Variants in MANEAL observed in about 807,000 individuals in gnomAD.
MANEAL encodes the protein glycoprotein endo-alpha-1,2-mannosidase-like protein.
A neutral mutation model predicts 35.9 loss-of-function variants in MANEAL; 28 were observed. That is an observed-to-expected ratio of 0.78 (90% CI 0.58 to 1.07). The LOEUF (loss-of-function observed/expected upper bound fraction) is 1.07. Ranked by LOEUF, MANEAL falls within the 50% of genes least tolerant of loss-of-function variation. MANEAL has a pLI of 0.00. For missense variants in MANEAL, 576 were observed against 629.6 expected, an observed-to-expected ratio of 0.91 and a Z score of 0.91; for synonymous variants, 286 against 272.2, an observed-to-expected ratio of 1.05 and a Z score of -0.50.
chr1:37,795,523 T>C, intron 1 of MANEAL: 3 of 1,385,788 alleles, frequency 2.2e-6, no homozygotes, highest in Non-Finnish European at 2.8e-6. Context: ...CCTGGCGCGC[T>C]ACGGTTCCCG....
At chr1:37,795,996 C>G in intron 2 of MANEAL, 150 bp downstream of exon 2, 1 of 641,268 alleles carries the variant, frequency 1.6e-6, no homozygotes, top group South Asian at 2.0e-5. Flanking sequence ...GGGGAGGGTT[C>G]AGATAAATGG....
intron 2 of MANEAL, 70 bp from the exon 3 acceptor site, chr1:37,796,674 A>G: frequency 7.1e-7 from 1 of 1,404,508 alleles, no homozygotes; most frequent in East Asian, 2.5e-5. Context: ...CCATGGTTAG[A>G]TCCTGAGCCT....
In MANEAL at chr1:37,794,812, T is replaced by G. The variant is rs1646631278; in HGVS notation, c.550+80T>G. The stretch of plus-strand genomic sequence containing the variant: ...CCCACACCCCAGCTCCCTCTGGTCC[T>G]GTCACCGGCCCTTTGGTCCCACTTA... On this transcript the variant is annotated intron_variant, in intron 1 of 3. Transcript: ENST00000373045. The surrounding 1 kb of genome is among the most constrained non-coding windows in gnomAD (Gnocchi z 5.7). 6 of 937,144 alleles carry G rather than the reference T, an allele frequency of 6.4e-6. No homozygotes were observed. The highest frequency in any genetic ancestry group is 9.6e-6 in the Non-Finnish European group (6 of 622,660). The allele number at this position is 937,144 out of a possible 1,614,324, so 58.1% of individuals were successfully genotyped here.
In MANEAL at chr1:37,794,497, G is replaced by A. The variant is rs770316052; in HGVS notation, c.315G>A (p.Leu105=). ...AGAGCCTGCGCGTCTACTCGGACCTGCACGCCTTCTACTACTCGTGGTACG... is the reference window on the plus strand; with the variant it reads ...AGAGCCTGCGCGTCTACTCGGACCTACACGCCTTCTACTACTCGTGGTACG... ...PVQSLRVYSD[L]HAFYYSWYGS... Residue 105 remains leucine (L), a synonymous_variant, in exon 1 of 4, where the codon CTG becomes CTA. Coordinates refer to ENST00000373045, the MANE Select transcript of MANEAL (RefSeq NM_001113482.2). The surrounding 1 kb of genome is among the most constrained non-coding windows in gnomAD (Gnocchi z 5.7). 6.2e-6 allele frequency: 10 copies of A among 1,606,998 alleles called. No individual in the cohort carries two copies. The South Asian group carries it at 1.1e-4, about 18-fold the overall frequency.
intron 2 of MANEAL, 57 bp downstream of exon 2, chr1:37,795,903 C>A: frequency 6.7e-7 from 1 of 1,492,806 alleles, no homozygotes; most frequent in Non-Finnish European, 9.3e-7. Context: ...AGTTGCTCTC[C>A]TCCGCCCACA....
At position 37,794,218 on chromosome 1, in the gene MANEAL, G is replaced by C. The variant is rs1481505414; in HGVS notation, c.36G>C (p.Leu12=). The C allele has an allele frequency of 7.6e-7, 1 of 1,323,126 alleles. No individual in the cohort carries two copies. The highest frequency in any genetic ancestry group is 2.8e-5 in the Admixed American group (1 of 35,194). 82.0% of individuals were successfully genotyped at this position (1,323,126 alleles called of 1,614,324 possible). Residue 12 remains leucine (L), a synonymous_variant, in exon 1 of 4, where the codon CTG becomes CTC. Transcript: ENST00000373045. This position sits in a 1 kb window ranked among gnomAD's most constrained non-coding sequence, Gnocchi z 5.7. ...ARRRRRACIA[L]FLVLLFAFGT... ...GGCGGCGCCGCGCCTGCATCGCTCTGTTCCTGGTGCTGCTCTTCGCCTTCG... is the reference window on the plus strand; with the variant it reads ...GGCGGCGCCGCGCCTGCATCGCTCTCTTCCTGGTGCTGCTCTTCGCCTTCG...
At position 37,799,301 on chromosome 1, in the gene MANEAL, C is replaced by A. The variant is rs1318979442; in HGVS notation, c.738-266C>A. On this transcript the variant is annotated intron_variant, in intron 3 of 3. Coordinates refer to ENST00000373045, the MANE Select transcript of MANEAL (RefSeq NM_001113482.2). This position sits in a 1 kb window ranked among gnomAD's most constrained non-coding sequence, Gnocchi z 4.1. ...GGATTATATGGAGGCAGGATGGGAGCCTGGAGACCAGTTAGCTGGCTGTTG... is the reference window on the plus strand; with the variant it reads ...GGATTATATGGAGGCAGGATGGGAGACTGGAGACCAGTTAGCTGGCTGTTG... 1.3e-5 allele frequency among the ~76,000 whole-genome samples: 2 copies of A among 152,088 alleles called. No homozygotes were observed. Among genetic ancestry groups the A allele is most frequent in the East Asian group, 1.9e-4 (1 of 5,196 alleles).
chr1:37,795,582 G>A, intron 1 of MANEAL, 155 bp from the exon 2 acceptor site: 2 of 1,451,494 alleles, frequency 1.4e-6, no homozygotes, highest in Non-Finnish European at 1.8e-6. Context: ...CGGGGCGCGA[G>A]GCTCTGGGAC....
In MANEAL at chr1:37,794,512, C is replaced by A; in HGVS notation, c.330C>A (p.Tyr110Ter). Residue 110 changes from tyrosine to a stop codon, truncating the protein, a stop_gained, in exon 1 of 4, where the codon TAC (tyrosine) becomes TAA (stop). Coordinates refer to ENST00000373045, the MANE Select transcript of MANEAL (RefSeq NM_001113482.2). LOFTEE classifies it high-confidence loss of function. The surrounding 1 kb of genome is among the most constrained non-coding windows in gnomAD (Gnocchi z 5.7). ...RVYSDLHAFY[Y>*]SWYGSPRREG... Reference sequence around the variant, plus strand: ...ACTCGGACCTGCACGCCTTCTACTACTCGTGGTACGGGAGCCCGCGGCGCG... The same window carrying A: ...ACTCGGACCTGCACGCCTTCTACTAATCGTGGTACGGGAGCCCGCGGCGCG... 1 of 1,610,368 alleles carries A rather than the reference C, an allele frequency of 6.2e-7. No homozygotes were observed. Among genetic ancestry groups the A allele is most frequent in the Non-Finnish European group, 8.5e-7 (1 of 1,179,130 alleles).
At position 37,794,890 on chromosome 1, in the gene MANEAL, C is replaced by G. The variant is rs768622123; in HGVS notation, c.550+158C>G. Among the ~76,000 whole-genome samples the G allele has an allele frequency of 6.6e-6, 1 of 152,218 alleles. No homozygotes were observed. Among genetic ancestry groups the G allele is most frequent in the Non-Finnish European group, 1.5e-5 (1 of 68,042 alleles). On this transcript the variant is annotated intron_variant, in intron 1 of 3. Transcript: ENST00000373045. The surrounding 1 kb of genome is among the most constrained non-coding windows in gnomAD (Gnocchi z 5.7). Reference sequence around the variant, plus strand: ...CCTCCCACTCTCATCCTGGGCCCACCATGCGACACCGCCCCTCCGTCTAGT... The same window carrying G: ...CCTCCCACTCTCATCCTGGGCCCACGATGCGACACCGCCCCTCCGTCTAGT...
chr1:37,799,659 C>A lies in MANEAL; in HGVS notation c.830C>A (p.Pro277His). 1 of 1,614,208 alleles carries A rather than the reference C, an allele frequency of 6.2e-7. No individual in the cohort carries two copies. Among genetic ancestry groups the A allele is most frequent in the Non-Finnish European group, 8.5e-7 (1 of 1,180,038 alleles). Residue 277 changes from proline (P) to histidine (H), a missense_variant, in exon 4 of 4, where the codon CCT becomes CAT. By Grantham distance (77) the Pro-to-His change is moderately conservative (BLOSUM62 -2). Around this residue, in one of 3 missense-constraint regions of MANEAL, gnomAD observed 449 missense variants for 516.1 expected, o/e 0.87. Transcript: ENST00000373045. This position sits in a 1 kb window ranked among gnomAD's most constrained non-coding sequence, Gnocchi z 4.1. Reference sequence around the variant, plus strand: ...ATCTACGACTCATACCTGACGTCCCCTGAGGCCTGGGCCCACCTCCTGACA... The same window carrying A: ...ATCTACGACTCATACCTGACGTCCCATGAGGCCTGGGCCCACCTCCTGACA... Reference protein sequence around the residue: ...FYIYDSYLTSPEAWAHLLTPN... With the variant: ...FYIYDSYLTSHEAWAHLLTPN...
rs935194708 is a variant in MANEAL at position 37,795,825 on chromosome 1, C to G, written c.639C>G (p.Thr213=). The change falls in exon 2 of 4, where the codon ACC becomes ACG. Residue 213 remains threonine, a synonymous_variant. Coordinates refer to ENST00000373045, the MANE Select transcript of MANEAL (RefSeq NM_001113482.2). ...SDDLVPAILD[T]AHQYSIQVAF... ...ACCTGGTGCCCGCCATTCTGGACAC[C>G]GCCCATCAGTACAGCATCCAGGTGA... 2.5e-6 allele frequency: 4 copies of G among 1,614,056 alleles called. No individual in the cohort carries two copies. The highest frequency in any genetic ancestry group is 3.4e-6 in the Non-Finnish European group (4 of 1,179,968).
Position 37,794,475 on chromosome 1 carries a change from G to T in MANEAL, c.293G>T (p.Ser98Ile). ...PAEAEPAPVQ[S>I]LRVYSDLHAF... ...GAGGCCGAGCCCGCCCCCGTGCAGA[G>T]CCTGCGCGTCTACTCGGACCTGCAC... is the stretch of plus-strand genomic sequence containing the variant. The change falls in exon 1 of 4, where the codon AGC (serine) becomes ATC (isoleucine). Residue 98 changes from serine (S) to isoleucine (I), a missense_variant. Ser to Ile is a moderately radical substitution (Grantham distance 142). Coordinates refer to ENST00000373045, the MANE Select transcript of MANEAL (RefSeq NM_001113482.2). This position sits in a 1 kb window ranked among gnomAD's most constrained non-coding sequence, Gnocchi z 5.7. The T allele has an allele frequency of 6.3e-7, 1 of 1,590,532 alleles. No homozygotes were observed. Among genetic ancestry groups the T allele is most frequent in the East Asian group, 2.3e-5 (1 of 43,654 alleles).
rs560157209 is a variant in MANEAL at position 37,795,718 on chromosome 1, CCT to C, written c.551-16_551-15del. ...GGGGTACTGTGTGTCTCTGAAGTGG[CCT>C]CTGTGTTGCGTCTCAGGCGTCCTGG... On this transcript the variant is annotated splice_polypyrimidine_tract_variant and intron_variant, in intron 1 of 3. Coordinates refer to ENST00000373045, the MANE Select transcript of MANEAL (RefSeq NM_001113482.2). The C allele has an allele frequency of 2.4e-4, 393 of 1,614,004 alleles. 3 individuals are homozygous for C. The East Asian group carries it at 6.1e-3, about 25-fold the overall frequency.
intron 3 of MANEAL, among the ~76,000 whole-genome samples, chr1:37,797,974 A>C (rs1646659097): frequency 6.7e-6 from 1 of 150,098 alleles, no homozygotes; most frequent in Non-Finnish European, 1.5e-5. Flanking sequence ...ACATAGCAAG[A>C]CCCCATCTCT....
chr1:37,794,481 G>T lies in MANEAL; in HGVS notation c.299G>T (p.Arg100Leu). 1 of 1,596,674 alleles carries T rather than the reference G, an allele frequency of 6.3e-7. No individual in the cohort carries two copies. Among genetic ancestry groups the T allele is most frequent in the Non-Finnish European group, 8.5e-7 (1 of 1,173,058 alleles). Reference sequence around the variant, plus strand: ...GAGCCCGCCCCCGTGCAGAGCCTGCGCGTCTACTCGGACCTGCACGCCTTC... The same window carrying T: ...GAGCCCGCCCCCGTGCAGAGCCTGCTCGTCTACTCGGACCTGCACGCCTTC... ...EAEPAPVQSL[R>L]VYSDLHAFYY... Residue 100 changes from arginine to leucine, a missense_variant, in exon 1 of 4, where the codon CGC becomes CTC. Physicochemically the swap from Arg to Leu is moderately radical, Grantham distance 102 (BLOSUM62 -2). Coordinates refer to ENST00000373045, the MANE Select transcript of MANEAL (RefSeq NM_001113482.2). This position sits in a 1 kb window ranked among gnomAD's most constrained non-coding sequence, Gnocchi z 5.7.
At chr1:37,795,937 C>A in intron 2 of MANEAL, 91 bp downstream of exon 2, 1 of 1,158,964 alleles carries the variant, frequency 8.6e-7, no homozygotes, top group Non-Finnish European at 1.3e-6. Flanking sequence ...TACAGAAGTT[C>A]TTGGCAGTAG....
intron 1 of MANEAL, among the ~76,000 whole-genome samples, chr1:37,795,065 G>A (rs1047834614): frequency 8.5e-5 from 13 of 152,340 alleles, no homozygotes; most frequent in Admixed American, 1.3e-4. Context: ...CTGGCCCGCA[G>A]GTTCTGGGGT....
chr1:37,795,130 G>T (rs1164348779), intron 1 of MANEAL, among the ~76,000 whole-genome samples: 2 of 152,220 alleles, frequency 1.3e-5, no homozygotes, highest in Non-Finnish European at 2.9e-5. Flanking sequence ...ACAGGGTAGA[G>T]CAGCAGCCGT....
Sources: allele counts gnomAD v4.1 joint callset (sites outside exome capture counted in the v4.1 genomes callset), GRCh38; gene constraint gnomAD v4.1.1; regional missense constraint gnomAD v4.1.1; non-coding constraint Gnocchi (gnomAD v3.1); transcripts MANE v1.5; gene names NCBI Gene and HGNC (gene_info 2026-07-23, HGNC 2026-07-21).